Variants in CTIF observed in about 807,000 individuals in gnomAD.
CTIF encodes the protein CBP80/20-dependent translation initiation factor.
CTIF carries 21 observed loss-of-function variants against 66.0 expected under a neutral mutation model. That is an observed-to-expected ratio of 0.32 (90% confidence interval 0.23 to 0.46). The LOEUF (loss-of-function observed/expected upper bound fraction) is 0.46, where lower values mean the gene tolerates loss of function less well. Among genes scored for constraint, CTIF ranks in the 20% least tolerant of loss-of-function variants. The pLI, the probability that CTIF is intolerant of heterozygous loss-of-function variation, is 1.00. For missense variants in CTIF, 739 were observed against 812.7 expected (o/e 0.91, Z 1.10); for synonymous variants, 345 against 326.4 (o/e 1.06, Z -0.62).
At chr18:48,745,788 A>T (rs1332747068) in intron 7 of CTIF, among the ~76,000 whole-genome samples, 2 of 152,198 alleles carry the variant, frequency 1.3e-5, no homozygotes, top group Non-Finnish European at 2.9e-5. Flanking sequence ...TCTGCTGGGG[A>T]GCCATGTCCC....
intron 3 of CTIF, among the ~76,000 whole-genome samples, chr18:48,646,830 C>T (rs999825856): frequency 1.5e-5 from 2 of 137,286 alleles, no homozygotes; most frequent in African/African-American, 5.3e-5. Flanking sequence ...TGCAGAGAAA[C>T]TGGATCACTC....
At position 48,807,432 on chromosome 18, in the gene CTIF, C is replaced by G. The variant is rs374904936; in HGVS notation, c.1372-9789C>G. Among the ~76,000 whole-genome samples the G allele has an allele frequency of 2.6e-5, 4 of 152,284 alleles. No homozygotes were observed. The South Asian group carries it at 8.3e-4, about 32-fold the overall frequency. The stretch of plus-strand genomic sequence containing the variant: ...ATTGAGAGACAACTCCTGTGAAACA[C>G]TATTTCTCCTCTTTCTTTTTAAAAA... On this transcript the variant is annotated intron_variant, in intron 9 of 11. Transcript: ENST00000256413.
chr18:48,600,998 T>C (rs1255087539), intron 1 of CTIF, among the ~76,000 whole-genome samples: 1 of 152,270 alleles, frequency 6.6e-6, no homozygotes, highest in East Asian at 1.9e-4. Flanking sequence ...TGTGTTTCCT[T>C]AGGCCACTGC....
At chr18:48,757,135 G>T (rs1369203930) in intron 7 of CTIF, among the ~76,000 whole-genome samples, 2 of 152,128 alleles carry the variant, frequency 1.3e-5, no homozygotes, top group Non-Finnish European at 2.9e-5. Context: ...GTCTCTGTGT[G>T]TCAAAGGTTC....
chr18:48,834,992 AGC>A lies in CTIF; in HGVS notation c.1527+17617_1527+17618del, dbSNP rs375094115. Among the ~76,000 whole-genome samples, 13 of 152,358 alleles carry A rather than the reference AGC, an allele frequency of 8.5e-5. No homozygotes were observed. In the East Asian group the frequency reaches 1.7e-3, roughly 20 times the overall value. ...CCCTGCCAGCTTCCGGGAAGCGAAA[AGC>A]ACCCTCTGTGAGAAGGGAAAAAGGA... is the stretch of plus-strand genomic sequence containing the variant. On this transcript the variant is annotated intron_variant, in intron 10 of 11. Coordinates refer to ENST00000256413, the MANE Select transcript of CTIF (RefSeq NM_014772.3).
chr18:48,849,404 T>A (rs2069148902), intron 10 of CTIF, among the ~76,000 whole-genome samples: 1 of 151,396 alleles, frequency 6.6e-6, no homozygotes, highest in Non-Finnish European at 1.5e-5. Flanking sequence ...TGCCATGTTG[T>A]CCAGGCTGGT....
chr18:48,580,070 GA>G (rs1294222825), intron 1 of CTIF, among the ~76,000 whole-genome samples: 1 of 152,220 alleles, frequency 6.6e-6, no homozygotes, highest in Non-Finnish European at 1.5e-5. Context: ...CATCTACTGA[GA>G]AATAAAAGAG....
intron 1 of CTIF, among the ~76,000 whole-genome samples, chr18:48,552,232 C>T (rs1253650261): frequency 3.9e-5 from 6 of 152,158 alleles, no homozygotes; most frequent in African/African-American, 7.2e-5. Flanking sequence ...CTTCTTCCAA[C>T]GGGGACATTT....
Position 48,761,173 on chromosome 18 carries a change from A to G in CTIF, c.1072-217A>G, listed in dbSNP as rs1305333353. On this transcript the variant is annotated intron_variant, in intron 8 of 11. Coordinates refer to ENST00000256413, the MANE Select transcript of CTIF (RefSeq NM_014772.3). This position sits in a 1 kb window ranked among gnomAD's most constrained non-coding sequence, Gnocchi z 4.2. ...GGAGCTAGAACCCAAAAACAGTATC[A>G]GCCCTGGATGTCATAGGGGCCAAGA... 1.9e-6 allele frequency: 1 copy of G among 528,212 alleles called. No homozygotes were observed. The highest frequency in any genetic ancestry group is 3.0e-5 in the East Asian group (1 of 33,748). The allele number at this position is 528,212 out of a possible 1,614,324, so 32.7% of individuals were successfully genotyped here.
At chr18:48,659,063 T>A (rs1332358688) in intron 3 of CTIF, among the ~76,000 whole-genome samples, 2 of 152,198 alleles carry the variant, frequency 1.3e-5, no homozygotes, top group Non-Finnish European at 2.9e-5. Flanking sequence ...AGGAGATGGA[T>A]GTCTTCTCCA....
chr18:48,630,299 G>A (rs528205288), intron 2 of CTIF, among the ~76,000 whole-genome samples: 3 of 152,174 alleles, frequency 2.0e-5, no homozygotes, highest in African/African-American at 7.2e-5. Context: ...TCAGGGTTGG[G>A]GGGGTGGGCG....
At chr18:48,541,244 C>A (rs983446072) in intron 1 of CTIF, among the ~76,000 whole-genome samples, 56 of 152,302 alleles carry the variant, frequency 3.7e-4, no homozygotes, top group African/African-American at 1.2e-3. Flanking sequence ...GGCCGCCGCC[C>A]GCCCGGCGCT....
intron 10 of CTIF, among the ~76,000 whole-genome samples, chr18:48,841,730 G>T (rs1399001879): frequency 6.6e-6 from 1 of 152,122 alleles, no homozygotes; most frequent in Non-Finnish European, 1.5e-5. Flanking sequence ...TGCCTGGGAA[G>T]CGCTCACTGT....
chr18:48,772,832 T>G (rs1254851800), intron 9 of CTIF, among the ~76,000 whole-genome samples: 1 of 152,276 alleles, frequency 6.6e-6, no homozygotes, highest in Non-Finnish European at 1.5e-5. Flanking sequence ...CTGCTTTTGA[T>G]TCTTTGGGGT....
intron 7 of CTIF, among the ~76,000 whole-genome samples, chr18:48,730,734 G>A (rs1207442981): frequency 6.7e-6 from 1 of 149,696 alleles, no homozygotes; most frequent in African/African-American, 2.5e-5. Context: ...GGCTTCCGTG[G>A]TGTGAGGAGC....
intron 7 of CTIF, among the ~76,000 whole-genome samples, chr18:48,753,693 C>T (rs946687220): frequency 2.0e-5 from 3 of 152,176 alleles, no homozygotes; most frequent in Non-Finnish European, 4.4e-5. Flanking sequence ...CTTCCTCACC[C>T]GAAGAAGACT....
chr18:48,596,257 C>T (rs1340842978), intron 1 of CTIF, among the ~76,000 whole-genome samples: 4 of 152,170 alleles, frequency 2.6e-5, no homozygotes, highest in Admixed American at 1.3e-4. Flanking sequence ...GCTCAGGCCT[C>T]GTGTGAGGGC....
intron 7 of CTIF, among the ~76,000 whole-genome samples, chr18:48,716,985 G>A (rs1294905020): frequency 3.9e-5 from 6 of 152,324 alleles, no homozygotes; most frequent in Non-Finnish European, 8.8e-5. Context: ...TCCACCTGGC[G>A]TGCGGAGTGG....
chr18:48,824,066 A>G (rs1477789639), intron 10 of CTIF, among the ~76,000 whole-genome samples: 1 of 152,098 alleles, frequency 6.6e-6, no homozygotes, highest in African/African-American at 2.4e-5. Context: ...AACATAATCA[A>G]CATACAAAAA....
Sources: gnomAD v4.1 joint callset for allele counts (sites outside exome capture counted in the v4.1 genomes callset) on GRCh38, gnomAD v4.1.1 for gene constraint, Gnocchi (gnomAD v3.1) non-coding constraint, MANE v1.5 for transcripts, NCBI Gene and HGNC (gene_info 2026-07-23, HGNC 2026-07-21) for gene names.